The following ZNF385B variants were observed in gnomAD, a reference collection of about 807,000 sequenced individuals.
ZNF385B encodes the protein zinc finger protein 533.
A neutral mutation model predicts 39.2 loss-of-function variants in ZNF385B; 23 were observed. The observed-to-expected ratio is 0.59, with a 90% CI of 0.42 to 0.83. The LOEUF (loss-of-function observed/expected upper bound fraction) is 0.83. Among genes scored for constraint, ZNF385B ranks in the 40% least tolerant of loss-of-function variants. The pLI, the probability that ZNF385B is intolerant of heterozygous loss-of-function variation, is 0.00. For missense variants in ZNF385B, 552 were observed against 598.9 expected (o/e 0.92, Z 0.82); for synonymous variants, 205 against 222.6 (o/e 0.92, Z 0.70).
intron 3 of ZNF385B, among the ~76,000 whole-genome samples, chr2:179,616,836 T>C (rs1334557604): frequency 6.6e-6 from 1 of 152,114 alleles, no homozygotes; most frequent in African/African-American, 2.4e-5. Flanking sequence ...GCTGGGATTA[T>C]AGGCGTGAGC....
intron 3 of ZNF385B, among the ~76,000 whole-genome samples, chr2:179,710,583 A>C (rs1165075986): frequency 1.3e-5 from 2 of 152,266 alleles, no homozygotes; most frequent in East Asian, 1.9e-4. Context: ...TGTGCTGAAG[A>C]GCGGGGGCCA....
chr2:179,599,700 G>A (rs1189194611), intron 3 of ZNF385B, among the ~76,000 whole-genome samples: 1 of 152,032 alleles, frequency 6.6e-6, no homozygotes, highest in African/African-American at 2.4e-5. Flanking sequence ...ACACCAACAA[G>A]GATACCAGTA....
At chr2:179,829,539 G>A (rs1318431909) in intron 1 of ZNF385B, among the ~76,000 whole-genome samples, 2 of 151,714 alleles carry the variant, frequency 1.3e-5, no homozygotes, top group South Asian at 2.1e-4. Flanking sequence ...TTTGAGACAG[G>A]GTCTTGCTCT....
chr2:179,715,855 C>T (rs76465853), intron 3 of ZNF385B, among the ~76,000 whole-genome samples: 17,649 of 152,008 alleles, frequency 0.12, 1,243 homozygotes, highest in Non-Finnish European at 0.16. Context: ...AAATACCCAT[C>T]ATGAATAAAT....
At chr2:179,706,121 C>T (rs1699576409) in intron 3 of ZNF385B, among the ~76,000 whole-genome samples, 1 of 152,134 alleles carries the variant, frequency 6.6e-6, no homozygotes, top group Non-Finnish European at 1.5e-5. Context: ...AACCCAGAGA[C>T]TCATTTCTTA....
At chr2:179,493,786 T>TAC (rs2055809227) in intron 5 of ZNF385B, among the ~76,000 whole-genome samples, 1 of 143,968 alleles carries the variant, frequency 6.9e-6, no homozygotes, top group South Asian at 2.1e-4. Flanking sequence ...TATATACACA[T>TAC]ATGTATACAT....
chr2:179,556,273 T>C (rs2060899579), intron 3 of ZNF385B, among the ~76,000 whole-genome samples: 2 of 149,702 alleles, frequency 1.3e-5, no homozygotes, highest in African/African-American at 5.0e-5. Context: ...CATACTTCAC[T>C]GGCTGCAATC....
At chr2:179,650,682 A>G (rs7566865) in intron 3 of ZNF385B, among the ~76,000 whole-genome samples, 28,036 of 152,220 alleles carry the variant, frequency 0.18, 3,200 homozygotes, top group African/African-American at 0.32. Flanking sequence ...TATTCCATAC[A>G]GGATAGATAT....
intron 6 of ZNF385B, among the ~76,000 whole-genome samples, chr2:179,480,692 C>T (rs2053894259): frequency 1.4e-5 from 2 of 140,768 alleles, no homozygotes; most frequent in African/African-American, 2.7e-5. Context: ...TTAGCAAATG[C>T]ACTCCTTTTT....
chr2:179,498,703 T>C (rs376136427), intron 5 of ZNF385B, among the ~76,000 whole-genome samples: 2 of 151,944 alleles, frequency 1.3e-5, no homozygotes, highest in African/African-American at 4.8e-5. Context: ...AGAGAGTTTA[T>C]AGTTTTAAGT....
chr2:179,760,320 T>C (rs1241726167), intron 3 of ZNF385B, among the ~76,000 whole-genome samples: 1 of 151,974 alleles, frequency 6.6e-6, no homozygotes, highest in East Asian at 1.9e-4. Flanking sequence ...TTTGTACCCA[T>C]ATCTACTTCC....
chr2:179,655,492 CAA>C lies in ZNF385B; in HGVS notation c.299-110525_299-110524del, dbSNP rs11324530. Among the ~76,000 whole-genome samples, 1,262 of 143,642 alleles carry C rather than the reference CAA, an allele frequency of 8.8e-3. 22 individuals carry two copies. Among genetic ancestry groups the C allele is most frequent in the African/African-American group, 0.029 (1,125 of 39,326 alleles). The allele number at this position is 143,642 out of a possible 152,430, so 94.2% of individuals were successfully genotyped here. A position where few individuals can be genotyped will look rare whatever the true frequency, so the allele number is the denominator to read the frequency against. On this transcript the variant is annotated intron_variant, in intron 3 of 9. Coordinates refer to ENST00000410066, the MANE Select transcript of ZNF385B (RefSeq NM_152520.6). ...TATTAATCTTATAAAGAAAAGAAAG[CAA>C]AAAAAAAAAACCCTGAACACATGTT...
At chr2:179,800,168 T>A (rs1335563736) in intron 1 of ZNF385B, among the ~76,000 whole-genome samples, 1 of 152,046 alleles carries the variant, frequency 6.6e-6, no homozygotes, top group Admixed American at 6.6e-5. Context: ...TAATCTAAGT[T>A]GGAAATAAAA....
chr2:179,508,230 C>T (rs1308983482), intron 5 of ZNF385B, among the ~76,000 whole-genome samples: 1 of 152,156 alleles, frequency 6.6e-6, no homozygotes, highest in African/African-American at 2.4e-5. Context: ...AACTTAAAAC[C>T]AGCAACTAAT....
chr2:179,650,177 A>T (rs935688487), intron 3 of ZNF385B, among the ~76,000 whole-genome samples: 1 of 152,238 alleles, frequency 6.6e-6, no homozygotes, highest in Non-Finnish European at 1.5e-5. Flanking sequence ...TGTATGTAAC[A>T]TGTAGACTAC....
intron 3 of ZNF385B, among the ~76,000 whole-genome samples, chr2:179,562,189 G>A (rs1005577760): frequency 1.3e-5 from 2 of 152,166 alleles, no homozygotes; most frequent in Non-Finnish European, 2.9e-5. Context: ...AGTTAGTAAA[G>A]TGGCTCAGTA....
At chr2:179,549,732 T>C (rs936277076) in intron 3 of ZNF385B, among the ~76,000 whole-genome samples, 4 of 149,572 alleles carry the variant, frequency 2.7e-5, no homozygotes, top group South Asian at 4.3e-4. Context: ...TTCATTTACA[T>C]TGATCCTAAA....
At chr2:179,479,456 G>C (rs1027701418) in intron 6 of ZNF385B, among the ~76,000 whole-genome samples, 19 of 152,130 alleles carry the variant, frequency 1.2e-4, no homozygotes, top group African/African-American at 4.3e-4. Flanking sequence ...TGTGCCAAGT[G>C]CCAAAATAGC....
chr2:179,695,082 T>C (rs545879627), intron 3 of ZNF385B, among the ~76,000 whole-genome samples: 94 of 152,204 alleles, frequency 6.2e-4, no homozygotes, highest in Non-Finnish European at 1.2e-3. Context: ...TTTCTCTATA[T>C]TTCCTTAGTG....
Sources: allele counts gnomAD v4.1 joint callset (sites outside exome capture counted in the v4.1 genomes callset), GRCh38; gene constraint gnomAD v4.1.1; transcripts MANE v1.5; gene names NCBI Gene and HGNC (gene_info 2026-07-23, HGNC 2026-07-21).